Variants in SECISBP2L observed in about 807,000 individuals in gnomAD.
The protein encoded by SECISBP2L is SECIS binding protein 2 like.
SECISBP2L carries 43 observed loss-of-function variants against 114.7 expected under a neutral mutation model. The ratio of observed to expected loss-of-function variants is 0.38; its 90% confidence interval spans 0.29 to 0.48. The LOEUF (loss-of-function observed/expected upper bound fraction) is 0.48. Among genes scored for constraint, SECISBP2L ranks in the 20% least tolerant of loss-of-function variants. The probability of loss-of-function intolerance (pLI) is 0.98; values close to 1 mark genes in which losing one functional copy is unlikely to be tolerated. For synonymous variants in SECISBP2L, 451 were observed against 439.7 expected (o/e 1.03, Z -0.32); for missense variants, 1,136 against 1,301.1 (o/e 0.87, Z 1.95).
At chr15:49,019,254 A>C (rs1287713553) in intron 8 of SECISBP2L, among the ~76,000 whole-genome samples, 164 bp downstream of exon 8, 1 of 152,238 alleles carries the variant, frequency 6.6e-6, no homozygotes, top group East Asian at 1.9e-4. Context: ...AAATATATAT[A>C]ACCAAGACAA....
chr15:49,017,384 T>A (rs1902557949), intron 9 of SECISBP2L, among the ~76,000 whole-genome samples, 164 bp downstream of exon 9: 1 of 152,214 alleles, frequency 6.6e-6, no homozygotes, highest in African/African-American at 2.4e-5. Context: ...TTATCTTTGT[T>A]CAGGCTATGC....
chr15:49,036,719 T>C (rs1213577490), intron 2 of SECISBP2L, among the ~76,000 whole-genome samples: 2 of 152,214 alleles, frequency 1.3e-5, no homozygotes, highest in Non-Finnish European at 2.9e-5. Flanking sequence ...CCTCAGAATA[T>C]TAACTTGAAC....
intron 1 of SECISBP2L, 129 bp from the exon 2 acceptor site, chr15:49,037,898 T>A (rs1903046343): frequency 1.7e-6 from 1 of 598,476 alleles, no homozygotes; most frequent in Non-Finnish European, 2.6e-6. Flanking sequence ...TCATAAAACA[T>A]CCAAAAGGAA....
intron 11 of SECISBP2L, among the ~76,000 whole-genome samples, chr15:49,014,722 AAGAT>A (rs1902502767): frequency 6.7e-6 from 1 of 148,986 alleles, no homozygotes; most frequent in Non-Finnish European, 1.5e-5. Flanking sequence ...ATATATTAAA[AAGAT>A]ATATAATTAT....
chr15:49,014,202 T>G (rs1394023863), intron 11 of SECISBP2L, among the ~76,000 whole-genome samples: 1 of 152,236 alleles, frequency 6.6e-6, no homozygotes, highest in Non-Finnish European at 1.5e-5. Context: ...TACCAAGGAC[T>G]ACATCCTTTT....
rs201000481 is a variant in SECISBP2L, at chr15:49,045,688, TA to T, written c.24+587del. ...TACACCCTTAAAATAGAGCTAGCTT[TA>T]AAAAAAAACCCACTAATTACAATTC... is the stretch of plus-strand genomic sequence containing the variant. On this transcript the variant is annotated intron_variant, in intron 1 of 17. Transcript: ENST00000559471. Among the ~76,000 whole-genome samples the T allele has an allele frequency of 6.5e-4, 98 of 151,430 alleles. 1 individual carries two copies. Among genetic ancestry groups the T allele is most frequent in the South Asian group, 3.5e-3 (17 of 4,794 alleles).
chr15:49,046,211 C>T, intron 1 of SECISBP2L, 65 bp downstream of exon 1: 1 of 1,545,150 alleles, frequency 6.5e-7, no homozygotes, highest in Non-Finnish European at 8.7e-7. Context: ...GAGAACTGGG[C>T]CTGGCCTGTG....
chr15:49,020,886 ATAATT>A (rs1217239516), intron 7 of SECISBP2L, among the ~76,000 whole-genome samples: 1 of 152,216 alleles, frequency 6.6e-6, no homozygotes, highest in Non-Finnish European at 1.5e-5. Context: ...AATTAGGAGA[ATAATT>A]TAATACAAAT....
chr15:49,027,289 T>C (rs1902763594), intron 7 of SECISBP2L, 76 bp downstream of exon 7: 12 of 1,024,244 alleles, frequency 1.2e-5, no homozygotes, highest in Non-Finnish European at 1.8e-5. Flanking sequence ...GCATATCCAC[T>C]ACACCACTGT....
chr15:49,031,356 A>C (rs902979385), intron 4 of SECISBP2L, among the ~76,000 whole-genome samples: 2 of 151,912 alleles, frequency 1.3e-5, no homozygotes. Flanking sequence ...GCCTATTCTT[A>C]CCATTTTCTG....
Position 49,035,382 on chromosome 15 carries a change from C to A in SECISBP2L, c.480G>T (p.Leu160Phe). The part of the protein sequence containing the change: ...RPSQLGQVFP[L>F]SSHRSRNSNR... The stretch of plus-strand genomic sequence containing the variant: ...TACTGTTTCTGCTTCGATGGCTGGA[C>A]AATGGGAAGACCTGTCCAAGCTGAC... The change falls in exon 3 of 18, where the codon TTG becomes TTT. Residue 160 changes from leucine (L) to phenylalanine (F), a missense_variant. Leu to Phe is a conservative substitution (Grantham distance 22, BLOSUM62 0). Transcript: ENST00000559471. 1 of 1,614,154 alleles carries A rather than the reference C, an allele frequency of 6.2e-7. No homozygotes were observed. Among genetic ancestry groups the A allele is most frequent in the Non-Finnish European group, 8.5e-7 (1 of 1,180,014 alleles).
At chr15:49,024,059 G>C (rs984058772) in intron 7 of SECISBP2L, among the ~76,000 whole-genome samples, 1 of 151,892 alleles carries the variant, frequency 6.6e-6, no homozygotes, top group African/African-American at 2.4e-5. Flanking sequence ...TTTAAAATTA[G>C]ACCTATACCA....
chr15:48,995,948 G>GA (rs150812352), intron 17 of SECISBP2L: 1 of 158,698 alleles, frequency 6.3e-6, no homozygotes, highest in Non-Finnish European at 1.4e-5. Context: ...GAAAAGGGGG[G>GA]AAAGAGCAGA....
At chr15:49,041,270 C>T (rs1903124222) in intron 1 of SECISBP2L, among the ~76,000 whole-genome samples, 3 of 152,144 alleles carry the variant, frequency 2.0e-5, no homozygotes, top group Non-Finnish European at 4.4e-5. Flanking sequence ...AAATCATAGT[C>T]CCAGAATCAT....
chr15:49,026,035 T>TA (rs1305518106), intron 7 of SECISBP2L, among the ~76,000 whole-genome samples: 1 of 152,226 alleles, frequency 6.6e-6, no homozygotes, highest in African/African-American at 2.4e-5. Flanking sequence ...AAGGGAATAC[T>TA]ATTCAGCCAT....
intron 3 of SECISBP2L, among the ~76,000 whole-genome samples, chr15:49,033,910 G>A (rs951609843): frequency 2.0e-5 from 3 of 152,050 alleles, no homozygotes; most frequent in Admixed American, 1.3e-4. Flanking sequence ...TCACTTAATA[G>A]CAACTTACAC....
At chr15:49,029,848 G>A (rs1203615063) in intron 4 of SECISBP2L, among the ~76,000 whole-genome samples, 1 of 150,906 alleles carries the variant, frequency 6.6e-6, no homozygotes, top group East Asian at 1.9e-4. Context: ...ATAAAATGGT[G>A]GCTCATTGTG....
rs1902444537 is a variant in SECISBP2L at position 49,011,880 on chromosome 15, T to TA, written c.1732-18dup. 2 of 1,612,062 alleles carry TA rather than the reference T, an allele frequency of 1.2e-6. No homozygotes were observed. Among genetic ancestry groups the TA allele is most frequent in the African/African-American group, 1.3e-5 (1 of 74,988 alleles). ...TAAAATAACCTAAAAGTCATTACAC[T>TA]AGTCTTTAATTACAGATTACTCTTC... On this transcript the variant is annotated splice_polypyrimidine_tract_variant and intron_variant, in intron 12 of 17. Transcript: ENST00000559471.
At chr15:49,003,026 TA>T (rs746672785) in intron 14 of SECISBP2L, among the ~76,000 whole-genome samples, 1 of 152,230 alleles carries the variant, frequency 6.6e-6, no homozygotes. Flanking sequence ...ACTGAATCTA[TA>T]AATTACTTTG....
Sources: allele counts gnomAD v4.1 joint callset (sites outside exome capture counted in the v4.1 genomes callset), GRCh38; gene constraint gnomAD v4.1.1; transcripts MANE v1.5; gene names NCBI Gene and HGNC (gene_info 2026-07-23, HGNC 2026-07-21).